ANO10: variants seen among roughly 807,000 people sequenced by gnomAD.
The protein encoded by ANO10 is anoctamin-10.
Under a neutral mutation model 74.7 loss-of-function variants are expected in ANO10, and 77 were observed. The ratio of observed to expected loss-of-function variants is 1.03; its 90% CI spans 0.86 to 1.25. ANO10 has a LOEUF of 1.25. Among genes scored for constraint, ANO10 ranks in the 50% most tolerant of loss-of-function variants. The pLI, the probability that ANO10 is intolerant of heterozygous loss-of-function variation, is 0.00. For missense variants in ANO10, 721 were observed against 778.1 expected, an observed-to-expected ratio of 0.93 and a Z score of 0.87; for synonymous variants, 279 against 284.9, an observed-to-expected ratio of 0.98 and a Z score of 0.21.
chr3:43,385,602 C>A (rs369302653), intron 12 of ANO10, among the ~76,000 whole-genome samples: 1 of 152,018 alleles, frequency 6.6e-6, no homozygotes, highest in South Asian at 2.1e-4. Flanking sequence ...TAATGGCATC[C>A]GCAGCGACCT....
chr3:43,499,107 A>AGG (rs2077012753), intron 11 of ANO10, among the ~76,000 whole-genome samples: 3 of 152,158 alleles, frequency 2.0e-5, no homozygotes, highest in Admixed American at 6.5e-5. Context: ...CACTAGAGAG[A>AGG]GGGGCAGTTT....
chr3:43,469,984 A>G (rs1015994550), intron 11 of ANO10, among the ~76,000 whole-genome samples: 1 of 152,262 alleles, frequency 6.6e-6, no homozygotes, highest in African/African-American at 2.4e-5. Context: ...GATGTTGCTG[A>G]ACTTCAGAGA....
At chr3:43,584,068 T>C (rs1176839544) in intron 4 of ANO10, among the ~76,000 whole-genome samples, 3 of 152,306 alleles carry the variant, frequency 2.0e-5, no homozygotes, top group South Asian at 2.1e-4. Flanking sequence ...TGCATGATGA[T>C]TGACTGTTAA....
chr3:43,444,139 G>C lies in ANO10; in HGVS notation c.1798-11412C>G, dbSNP rs138585586. ...AATATAATCTCCATTGTAGGGACCT[G>C]CTAATCAAGAGGCTTGTTGTAGTTG... On this transcript the variant is annotated intron_variant, in intron 11 of 12. Coordinates refer to ENST00000292246, the MANE Select transcript of ANO10 (RefSeq NM_018075.5). Among the ~76,000 whole-genome samples, 712 of 152,304 alleles carry C rather than the reference G, an allele frequency of 4.7e-3. 5 individuals carry two copies. The highest frequency in any genetic ancestry group is 0.016 in the African/African-American group (685 of 41,562).
rs571095125 is a variant in ANO10, at chr3:43,368,439, G to A, written c.1915-1465C>T. On this transcript the variant is annotated intron_variant, in intron 12 of 12. Coordinates refer to ENST00000292246, the MANE Select transcript of ANO10 (RefSeq NM_018075.5). ...TCTATAACCTTCATCCTGCCAGGGG[G>A]ATAGAGATGGTTTAATAGTTCACAA... Among the ~76,000 whole-genome samples, 73 of 152,242 alleles carry A rather than the reference G, an allele frequency of 4.8e-4. No individual in the cohort carries two copies. The South Asian group carries it at 0.014, about 29-fold the overall frequency.
Position 43,522,574 on chromosome 3 carries a change from GCT to G in ANO10, c.1797+27144_1797+27145del, listed in dbSNP as rs1268249764. Reference sequence around the variant, plus strand: ...AGTTTAATATAGACAACTGTGTTCTGCTCTCTGTCTTTGAAAGTATTGATGCT... The same window carrying G: ...AGTTTAATATAGACAACTGTGTTCTGCTCTGTCTTTGAAAGTATTGATGCT... On this transcript the variant is annotated intron_variant, in intron 11 of 12. Coordinates refer to ENST00000292246, the MANE Select transcript of ANO10 (RefSeq NM_018075.5). Among the ~76,000 whole-genome samples, 9 of 152,278 alleles carry G rather than the reference GCT, an allele frequency of 5.9e-5. No homozygotes were observed. In the East Asian group the frequency reaches 1.2e-3, roughly 20 times the overall value.
At chr3:43,392,546 A>T (rs1375928436) in intron 12 of ANO10, among the ~76,000 whole-genome samples, 1 of 152,242 alleles carries the variant, frequency 6.6e-6, no homozygotes, top group Non-Finnish European at 1.5e-5. Flanking sequence ...CAGTGCTCTG[A>T]ACCAGGCTAT....
At chr3:43,437,948 T>C (rs2093096883) in intron 11 of ANO10, among the ~76,000 whole-genome samples, 1 of 148,184 alleles carries the variant, frequency 6.7e-6, no homozygotes, top group South Asian at 2.1e-4. Flanking sequence ...CCAAAAGAAA[T>C]GAAGATCTGT....
chr3:43,689,306 T>A (rs2149586019), intron 1 of ANO10: 1 of 152,268 alleles, frequency 6.6e-6, no homozygotes, highest in Non-Finnish European at 1.5e-5. Context: ...AGCACAGAGA[T>A]TTACCTGTCT....
chr3:43,527,062 C>CACAG, intron 11 of ANO10, among the ~76,000 whole-genome samples: 1 of 115,376 alleles, frequency 8.7e-6, no homozygotes. Context: ...CACACACACA[C>CACAG]AGCATGCTTC....
chr3:43,646,344 A>G (rs2083725853), intron 1 of ANO10, among the ~76,000 whole-genome samples: 1 of 152,106 alleles, frequency 6.6e-6, no homozygotes, highest in South Asian at 2.1e-4. Context: ...GAGGAGGGAG[A>G]GTAGACCAAG....
chr3:43,511,903 T>C (rs1210372949), intron 11 of ANO10, among the ~76,000 whole-genome samples: 1 of 152,150 alleles, frequency 6.6e-6, no homozygotes, highest in African/African-American at 2.4e-5. Context: ...TGCTCCAAGG[T>C]GTTTTCCTGA....
chr3:43,448,467 T>G (rs2093281298), intron 11 of ANO10, among the ~76,000 whole-genome samples: 1 of 152,248 alleles, frequency 6.6e-6, no homozygotes, highest in Non-Finnish European at 1.5e-5. Flanking sequence ...TCAGACTGAC[T>G]TCTTCCACTT....
intron 6 of ANO10, 148 bp downstream of exon 6, chr3:43,576,544 C>A: frequency 2.7e-6 from 2 of 746,124 alleles, no homozygotes; most frequent in Non-Finnish European, 2.2e-6. Context: ...TCAGTGTTCA[C>A]AAAGCTGATA....
chr3:43,458,845 T>TC (rs1268059215), intron 11 of ANO10, among the ~76,000 whole-genome samples: 1 of 152,104 alleles, frequency 6.6e-6, no homozygotes, highest in Admixed American at 6.6e-5. Flanking sequence ...TGTGTGATAT[T>TC]CCCCTCCCTG....
chr3:43,644,747 C>A (rs934413810), intron 1 of ANO10, among the ~76,000 whole-genome samples: 1 of 152,208 alleles, frequency 6.6e-6, no homozygotes, highest in Non-Finnish European at 1.5e-5. Flanking sequence ...GGTCAGCCAC[C>A]CTTCTGGTTG....
intron 12 of ANO10, among the ~76,000 whole-genome samples, chr3:43,427,814 G>A (rs76530464): frequency 0.039 from 5,875 of 152,286 alleles, 319 homozygotes; most frequent in African/African-American, 0.12. Flanking sequence ...GTGAACTGAA[G>A]TCATGGCCAG....
intron 7 of ANO10, among the ~76,000 whole-genome samples, chr3:43,566,234 T>C (rs1047681637): frequency 4.1e-4 from 62 of 152,088 alleles, no homozygotes; most frequent in Non-Finnish European, 1.5e-4. Context: ...GAGATCAAAC[T>C]GCAAGGCGGC....
At chr3:43,644,444 A>G (rs1166112927) in intron 1 of ANO10, among the ~76,000 whole-genome samples, 1 of 152,174 alleles carries the variant, frequency 6.6e-6, no homozygotes, top group Non-Finnish European at 1.5e-5. Context: ...TCTGCCATAG[A>G]GTAGAACTGC....
Sources: gnomAD v4.1 joint callset for allele counts (sites outside exome capture counted in the v4.1 genomes callset) on GRCh38, gnomAD v4.1.1 for gene constraint, MANE v1.5 for transcripts, NCBI Gene and HGNC (gene_info 2026-07-23, HGNC 2026-07-21) for gene names.